Variants in TBC1D32 observed in about 807,000 individuals in gnomAD.
The protein encoded by TBC1D32 is TBC1 domain family member 32, also known as protein broad-minded.
TBC1D32 carries 151 observed loss-of-function variants against 170.3 expected under a neutral mutation model. The observed-to-expected ratio is 0.89, with a 90% CI of 0.78 to 1.01. TBC1D32 has a LOEUF of 1.01. TBC1D32 is among the 50% of genes least tolerant of loss of function. The pLI is 0.00. For missense variants in TBC1D32, 1,464 were observed against 1,457.1 expected (o/e 1.00, Z -0.08); for synonymous variants, 498 against 488.0 (o/e 1.02, Z -0.27).
chr6:121,084,151 C>A (rs1185597086), intron 31 of TBC1D32, among the ~76,000 whole-genome samples: 1 of 152,070 alleles, frequency 6.6e-6, no homozygotes, highest in Non-Finnish European at 1.5e-5. Flanking sequence ...ACCTTAGACT[C>A]CTCCATGTTT....
Position 121,115,118 on chromosome 6 carries a change from G to C in TBC1D32, c.3053+54C>G. 4 of 1,380,704 alleles carry C rather than the reference G, an allele frequency of 2.9e-6. No individual in the cohort carries two copies. The Admixed American group carries it at 8.1e-5, about 28-fold the overall frequency. The allele number at this position is 1,380,704 out of a possible 1,614,324, so 85.5% of individuals were successfully genotyped here. A position where few individuals can be genotyped will look rare whatever the true frequency, so the allele number is the denominator to read the frequency against. ...TTAAATACTACTGAGCACATATGAG[G>C]CAGATAAAACAAATTCTAGAAATGC... On this transcript the variant is annotated intron_variant, in intron 27 of 31. Coordinates refer to ENST00000398212, the MANE Select transcript of TBC1D32 (RefSeq NM_152730.6).
chr6:121,099,671 C>A (rs1052427133), intron 30 of TBC1D32, among the ~76,000 whole-genome samples: 2 of 151,826 alleles, frequency 1.3e-5, no homozygotes, highest in African/African-American at 2.4e-5. Flanking sequence ...AAGCTGTTTT[C>A]ATATTTTATA....
At position 121,207,880 on chromosome 6, in the gene TBC1D32, G is replaced by GA. The variant is rs768635917; in HGVS notation, c.2482-2718_2482-2717insT. On this transcript the variant is annotated intron_variant, in intron 21 of 31. Coordinates refer to ENST00000398212, the MANE Select transcript of TBC1D32 (RefSeq NM_152730.6). ...TAGGTTTGGGCTATGTGACTGACTTGTTTTTTTGAAGAAATAGGCAAGTGA... is the reference window on the plus strand; with the variant it reads ...TAGGTTTGGGCTATGTGACTGACTTGATTTTTTTGAAGAAATAGGCAAGTGA... Among the ~76,000 whole-genome samples the GA allele has an allele frequency of 5.6e-4, 85 of 152,190 alleles. No homozygotes were observed. The East Asian group carries it at 5.6e-3, about 10-fold the overall frequency.
At chr6:121,294,530 A>G (rs1489963259) in intron 11 of TBC1D32, 40 bp downstream of exon 11, 9 of 1,453,298 alleles carry the variant, frequency 6.2e-6, no homozygotes, top group Non-Finnish European at 8.5e-6. Context: ...AATAAAATTT[A>G]CCATTTTTAA....
chr6:121,236,558 G>A (rs1428817707), intron 20 of TBC1D32, among the ~76,000 whole-genome samples: 2 of 152,110 alleles, frequency 1.3e-5, no homozygotes, highest in Non-Finnish European at 2.9e-5. Flanking sequence ...GAGACTAGAA[G>A]CTGGACTCTA....
At chr6:121,247,695 C>CAAAAAAAAAAAAAAAAAAAAAA (rs34914027) in intron 17 of TBC1D32, among the ~76,000 whole-genome samples, 1 of 46,568 alleles carries the variant, frequency 2.1e-5, no homozygotes. Flanking sequence ...GGCTTTAAAG[C>CAAAAAAAAAAAAAAAAAAAAAA]AAAAAAAAAA....
At chr6:121,300,256 T>C (rs1009411045) in intron 9 of TBC1D32, among the ~76,000 whole-genome samples, 2 of 151,968 alleles carry the variant, frequency 1.3e-5, no homozygotes, top group Admixed American at 6.6e-5. Context: ...GGTCTCGAAA[T>C]GGCCAATATG....
At chr6:121,142,754 C>T (rs1273743) in intron 24 of TBC1D32, among the ~76,000 whole-genome samples, 41,067 of 152,018 alleles carry the variant, frequency 0.27, 8,408 homozygotes, top group African/African-American at 0.56. Context: ...TCTGAGCATG[C>T]TGAAATGCAA....
At chr6:121,321,577 G>A in intron 2 of TBC1D32, 56 bp downstream of exon 2, 1 of 1,535,274 alleles carries the variant, frequency 6.5e-7, no homozygotes, top group Non-Finnish European at 8.9e-7. Context: ...TCAGGGTGCT[G>A]TCAAGACGTC....
At chr6:121,307,167 G>T (rs778886557) in intron 5 of TBC1D32, among the ~76,000 whole-genome samples, 10 of 151,972 alleles carry the variant, frequency 6.6e-5, no homozygotes, top group African/African-American at 2.4e-4. Flanking sequence ...TTGAGCCCAG[G>T]AGTTCAAGAC....
chr6:121,215,002 T>C (rs542461992), intron 21 of TBC1D32, among the ~76,000 whole-genome samples: 2 of 152,264 alleles, frequency 1.3e-5, no homozygotes, highest in African/African-American at 4.8e-5. Flanking sequence ...ACCCACAATG[T>C]ATATCTCCTC....
chr6:121,183,077 A>T (rs1788747053), intron 22 of TBC1D32, among the ~76,000 whole-genome samples: 1 of 151,970 alleles, frequency 6.6e-6, no homozygotes, highest in African/African-American at 2.4e-5. Context: ...AATACACCAG[A>T]GCATCTCTAT....
chr6:121,306,516 A>G (rs918940764), intron 5 of TBC1D32, among the ~76,000 whole-genome samples: 2 of 152,184 alleles, frequency 1.3e-5, no homozygotes, highest in African/African-American at 4.8e-5. Context: ...AGCAAAATGT[A>G]ACTCTTCTGC....
chr6:121,131,770 A>G lies in TBC1D32; in HGVS notation c.2774-18T>C. On this transcript the variant is annotated intron_variant, in intron 24 of 31. Coordinates refer to ENST00000398212, the MANE Select transcript of TBC1D32 (RefSeq NM_152730.6). ...ATCATTGTCTAATCAGAAAGATAAC[A>G]TACTATTATAATAAGACATGCTAGA... 3 of 1,558,094 alleles carry G rather than the reference A, an allele frequency of 1.9e-6. No individual in the cohort carries two copies. Among genetic ancestry groups the G allele is most frequent in the Non-Finnish European group, 1.8e-6 (2 of 1,137,100 alleles).
rs370595530 is a variant in TBC1D32, at chr6:121,242,352, A to G, written c.2019-13T>C. 9.9e-6 allele frequency: 16 copies of G among 1,610,140 alleles called. No homozygotes were observed. Among genetic ancestry groups the G allele is most frequent in the African/African-American group, 1.3e-5 (1 of 74,708 alleles). ...TTCCCAAGCCATACTGAAATAGGTA[A>G]AAGAAAGGTAGAGCTTTCTTTAAGA... is the stretch of plus-strand genomic sequence containing the variant. On this transcript the variant is annotated splice_polypyrimidine_tract_variant and intron_variant, in intron 17 of 31. Coordinates refer to ENST00000398212, the MANE Select transcript of TBC1D32 (RefSeq NM_152730.6).
chr6:121,177,032 T>C (rs74480462), intron 22 of TBC1D32, among the ~76,000 whole-genome samples: 1 of 143,120 alleles, frequency 7.0e-6, no homozygotes, highest in African/African-American at 2.5e-5. Context: ...GAATATGTCA[T>C]TTTTTTTTTA....
At chr6:121,101,961 C>A (rs921871216) in intron 30 of TBC1D32, among the ~76,000 whole-genome samples, 3 of 152,070 alleles carry the variant, frequency 2.0e-5, no homozygotes, top group Non-Finnish European at 4.4e-5. Flanking sequence ...AACAGAGAGC[C>A]AAATCCTGAG....
At chr6:121,325,348 G>A (rs1354293448) in intron 1 of TBC1D32, among the ~76,000 whole-genome samples, 1 of 143,930 alleles carries the variant, frequency 6.9e-6, no homozygotes, top group Non-Finnish European at 1.5e-5. Flanking sequence ...AACAAAGCTG[G>A]AGGCATCACG....
chr6:121,086,413 T>C (rs1776280269), intron 31 of TBC1D32, among the ~76,000 whole-genome samples: 1 of 152,102 alleles, frequency 6.6e-6, no homozygotes, highest in Admixed American at 6.6e-5. Context: ...TGGTGAACTG[T>C]TTTAAATATT....
Sources: gnomAD v4.1 joint callset for allele counts (sites outside exome capture counted in the v4.1 genomes callset) on GRCh38, gnomAD v4.1.1 for gene constraint, MANE v1.5 for transcripts, NCBI Gene and HGNC (gene_info 2026-07-23, HGNC 2026-07-21) for gene names.